The following DCC variants were observed in gnomAD, a reference collection of about 807,000 sequenced individuals.
DCC encodes DCC netrin 1 receptor, also known as netrin receptor DCC.
A neutral mutation model predicts 172.5 loss-of-function variants in DCC; 58 were observed. That is an observed-to-expected ratio of 0.34 (90% CI 0.27 to 0.42). The LOEUF (loss-of-function observed/expected upper bound fraction) is 0.42, where lower values mean the gene tolerates loss of function less well. DCC is among the 10% of genes least tolerant of loss of function. The pLI is 1.00. For missense variants in DCC, 1,740 were observed against 1,791.0 expected, an observed-to-expected ratio of 0.97 and a Z score of 0.51; for synonymous variants, 709 against 644.5, an observed-to-expected ratio of 1.10 and a Z score of -1.52.
chr18:52,859,880 G>A (rs2145358718), intron 2 of DCC, among the ~76,000 whole-genome samples: 1 of 152,282 alleles, frequency 6.6e-6, no homozygotes, highest in Middle Eastern at 3.4e-3. Flanking sequence ...AGAAATTTGG[G>A]TTAGAGGTTC....
chr18:52,765,010 C>T (rs1450215970), intron 2 of DCC, among the ~76,000 whole-genome samples: 2 of 151,054 alleles, frequency 1.3e-5, no homozygotes, highest in African/African-American at 4.9e-5. Context: ...TACCTCTAGC[C>T]TCATTTTCTT....
intron 1 of DCC, among the ~76,000 whole-genome samples, chr18:52,520,802 A>T (rs1356758162): frequency 6.6e-6 from 1 of 152,098 alleles, no homozygotes; most frequent in East Asian, 1.9e-4. Flanking sequence ...ATTTTATAAC[A>T]TTGGTTAAAA....
intron 26 of DCC, among the ~76,000 whole-genome samples, chr18:53,488,917 G>C (rs929173280): frequency 2.6e-5 from 4 of 152,088 alleles, no homozygotes; most frequent in Admixed American, 6.5e-5. Context: ...CCAGCATTTT[G>C]GGAGGCTGAG....
chr18:53,333,460 A>G (rs1049877777), intron 14 of DCC, among the ~76,000 whole-genome samples: 1 of 152,238 alleles, frequency 6.6e-6, no homozygotes, highest in African/African-American at 2.4e-5. Context: ...TGCCTGACAC[A>G]ACTTGACAGT....
chr18:53,431,515 T>C (rs1354675924), intron 21 of DCC, among the ~76,000 whole-genome samples: 2 of 151,884 alleles, frequency 1.3e-5, no homozygotes, highest in Admixed American at 6.6e-5. Flanking sequence ...TGAGCCAGAG[T>C]CTTGCTTTAT....
chr18:52,418,260 CT>C (rs1414315753), intron 1 of DCC, among the ~76,000 whole-genome samples: 1 of 152,116 alleles, frequency 6.6e-6, no homozygotes, highest in Non-Finnish European at 1.5e-5. Context: ...AAAAATACCC[CT>C]GGTGTATCTT....
intron 2 of DCC, among the ~76,000 whole-genome samples, chr18:52,843,260 T>G (rs2038835341): frequency 6.6e-6 from 1 of 152,216 alleles, no homozygotes; most frequent in Admixed American, 6.5e-5. Flanking sequence ...TACTAAAGAA[T>G]TCAAGGATGA....
intron 1 of DCC, among the ~76,000 whole-genome samples, chr18:52,575,878 C>A (rs1345476131): frequency 6.6e-6 from 1 of 152,098 alleles, no homozygotes; most frequent in Admixed American, 6.5e-5. Flanking sequence ...AGGAAAGGTG[C>A]TAAGGTAGTG....
intron 1 of DCC, among the ~76,000 whole-genome samples, chr18:52,518,809 T>C (rs181187428): frequency 1.2e-4 from 19 of 152,314 alleles, no homozygotes; most frequent in South Asian, 4.1e-4. Flanking sequence ...TGGACCCCTA[T>C]GGTGCATTTT....
chr18:53,366,660 A>G (rs1407492484), intron 15 of DCC, among the ~76,000 whole-genome samples: 1 of 152,136 alleles, frequency 6.6e-6, no homozygotes, highest in Non-Finnish European at 1.5e-5. Flanking sequence ...TTTCCTCCAA[A>G]AGCAATTACT....
intron 1 of DCC, among the ~76,000 whole-genome samples, chr18:52,586,394 G>A (rs1197194290): frequency 6.6e-6 from 1 of 152,050 alleles, no homozygotes; most frequent in Non-Finnish European, 1.5e-5. Context: ...CTCCCTTGTA[G>A]AGTAGTAGAC....
Position 52,656,126 on chromosome 18 carries a change from T to C in DCC, c.92-95928T>C, listed in dbSNP as rs2035249497. Among the ~76,000 whole-genome samples the C allele has an allele frequency of 2.7e-5, 4 of 148,370 alleles. No individual in the cohort carries two copies. In the Admixed American group the frequency reaches 2.7e-4, roughly 10 times the overall value. Reference sequence around the variant, plus strand: ...TATACATATATATAACATATATATGTATATATATAGTGTGTATTGATGCTA... The same window carrying C: ...TATACATATATATAACATATATATGCATATATATAGTGTGTATTGATGCTA... On this transcript the variant is annotated intron_variant, in intron 1 of 28. Transcript: ENST00000442544.
chr18:53,306,434 G>C (rs1371325167), intron 13 of DCC, among the ~76,000 whole-genome samples: 2 of 152,164 alleles, frequency 1.3e-5, no homozygotes, highest in East Asian at 3.9e-4. Context: ...AGCAATCCAG[G>C]GAAGAAGAGA....
intron 1 of DCC, among the ~76,000 whole-genome samples, chr18:52,374,173 T>G (rs1313351374): frequency 1.3e-5 from 2 of 152,088 alleles, no homozygotes; most frequent in African/African-American, 4.8e-5. Context: ...ATTACAGACA[T>G]GAGCCACCAT....
intron 16 of DCC, among the ~76,000 whole-genome samples, chr18:53,388,133 A>G (rs1453827678): frequency 6.6e-6 from 1 of 152,220 alleles, no homozygotes; most frequent in East Asian, 1.9e-4. Flanking sequence ...TAATACTAAA[A>G]GTTGGAATTT....
intron 1 of DCC, among the ~76,000 whole-genome samples, chr18:52,386,873 T>C (rs1299319429): frequency 6.6e-6 from 1 of 152,124 alleles, no homozygotes; most frequent in Non-Finnish European, 1.5e-5. Flanking sequence ...AATGTCCTCA[T>C]TGAAACTAAC....
intron 7 of DCC, among the ~76,000 whole-genome samples, chr18:53,112,492 G>A (rs547042047): frequency 8.6e-5 from 13 of 151,514 alleles, no homozygotes; most frequent in African/African-American, 2.9e-4. Flanking sequence ...ACCCAGATCT[G>A]CCTTTATTAA....
intron 1 of DCC, among the ~76,000 whole-genome samples, chr18:52,511,186 C>CA (rs1272018176): frequency 1.3e-5 from 2 of 148,482 alleles, no homozygotes; most frequent in African/African-American, 5.0e-5. Context: ...AAGGCTGAGG[C>CA]AGGGGAATCG....
chr18:53,392,441 A>G (rs987088112), intron 17 of DCC, among the ~76,000 whole-genome samples: 4 of 152,162 alleles, frequency 2.6e-5, no homozygotes, highest in African/African-American at 9.7e-5. Flanking sequence ...CCATTTAGCT[A>G]ATATGAATTC....
Sources: gnomAD v4.1 joint callset for allele counts (sites outside exome capture counted in the v4.1 genomes callset) on GRCh38, gnomAD v4.1.1 for gene constraint, MANE v1.5 for transcripts, NCBI Gene and HGNC (gene_info 2026-07-23, HGNC 2026-07-21) for gene names.